Variants in SCHIP1 observed in about 807,000 individuals in gnomAD.
SCHIP1 encodes schwannomin interacting protein 1.
SCHIP1 carries 8 observed loss-of-function variants against 29.7 expected under a neutral mutation model. That is an observed-to-expected ratio of 0.27 (90% CI 0.16 to 0.49). The LOEUF is 0.49. SCHIP1 is among the 20% of genes least tolerant of loss of function. The pLI, the probability that SCHIP1 is intolerant of heterozygous loss-of-function variation, is 0.99. For synonymous variants in SCHIP1, 76 were observed against 94.9 expected (o/e 0.80, Z 1.16); for missense variants, 193 against 294.6 (o/e 0.66, Z 2.52).
the SCHIP1 span, among the ~76,000 whole-genome samples, chr3:159,515,385 C>CTGTA: frequency 6.6e-6 from 1 of 152,306 alleles, no homozygotes; most frequent in South Asian, 2.1e-4. Context: ...GAGTCATGTG[C>CTGTA]TGTATTTTTG....
the SCHIP1 span, among the ~76,000 whole-genome samples, chr3:159,556,961 G>A: frequency 6.5e-4 from 97 of 150,170 alleles, 1 homozygote; most frequent in South Asian, 8.0e-3. Flanking sequence ...AAAAAAAAAA[G>A]ATTTTTTTTT....
chr3:159,366,951 G>GA, the SCHIP1 span, among the ~76,000 whole-genome samples: 1 of 152,090 alleles, frequency 6.6e-6, no homozygotes, highest in Non-Finnish European at 1.5e-5. Context: ...CTGGAAACTA[G>GA]AAAAAATACA....
At chr3:159,862,351 G>A (rs996572411) in intron 1 of SCHIP1, among the ~76,000 whole-genome samples, 2 of 152,212 alleles carry the variant, frequency 1.3e-5, no homozygotes, top group African/African-American at 4.8e-5. Context: ...CTGCCTAACA[G>A]TATGGTAACC....
chr3:159,318,001 G>A, the SCHIP1 span, among the ~76,000 whole-genome samples: 253 of 152,260 alleles, frequency 1.7e-3, no homozygotes, highest in African/African-American at 5.7e-3. Flanking sequence ...TCTGCTGCTG[G>A]CAAATTGGGC....
chr3:159,326,334 T>C, the SCHIP1 span, among the ~76,000 whole-genome samples: 9 of 152,318 alleles, frequency 5.9e-5, 1 homozygote, highest in African/African-American at 2.2e-4. Flanking sequence ...ATTATTGTAC[T>C]ATTACCTTAT....
the SCHIP1 span, among the ~76,000 whole-genome samples, chr3:159,305,295 C>T: frequency 6.6e-6 from 1 of 152,210 alleles, no homozygotes; most frequent in Non-Finnish European, 1.5e-5. Flanking sequence ...GGGACTTCCC[C>T]AGTCTCCCAT....
At chr3:159,866,733 T>C (rs1714671370) in intron 2 of SCHIP1, among the ~76,000 whole-genome samples, 2 of 152,230 alleles carry the variant, frequency 1.3e-5, no homozygotes, top group Admixed American at 1.3e-4. Context: ...CATTCAATGT[T>C]TATTACAGTT....
chr3:159,747,678 T>A, the SCHIP1 span, among the ~76,000 whole-genome samples: 1 of 152,106 alleles, frequency 6.6e-6, no homozygotes, highest in African/African-American at 2.4e-5. Flanking sequence ...CTCATGGCCA[T>A]GAGAAGCATA....
chr3:159,329,377 G>A, the SCHIP1 span, among the ~76,000 whole-genome samples: 52 of 152,286 alleles, frequency 3.4e-4, no homozygotes, highest in African/African-American at 1.0e-3. Context: ...TGATGGAACC[G>A]GAGAAGATGA....
the SCHIP1 span, among the ~76,000 whole-genome samples, chr3:159,333,696 AG>A: frequency 6.6e-6 from 1 of 152,216 alleles, no homozygotes; most frequent in Non-Finnish European, 1.5e-5. Flanking sequence ...ATTTGCTTGA[AG>A]TTATCCTTTA....
At chr3:159,747,278 T>C in the SCHIP1 span, among the ~76,000 whole-genome samples, 2 of 152,130 alleles carry the variant, frequency 1.3e-5, no homozygotes, top group Non-Finnish European at 2.9e-5. Flanking sequence ...TCTAAACTCC[T>C]CTCCTTAACC....
the SCHIP1 span, among the ~76,000 whole-genome samples, chr3:159,285,991 T>C: frequency 6.6e-6 from 1 of 152,230 alleles, no homozygotes; most frequent in South Asian, 2.1e-4. Context: ...TTTTTTGACA[T>C]ATGCATTGTT....
chr3:159,589,100 T>G, the SCHIP1 span, among the ~76,000 whole-genome samples: 2 of 152,232 alleles, frequency 1.3e-5, no homozygotes, highest in Non-Finnish European at 1.5e-5. Context: ...CCCATGAGCA[T>G]GGAATGTTCT....
chr3:159,539,938 A>G, the SCHIP1 span, among the ~76,000 whole-genome samples: 28 of 152,242 alleles, frequency 1.8e-4, no homozygotes, highest in African/African-American at 6.5e-4. Flanking sequence ...TTTTAGAGAC[A>G]TGAGAATTTC....
At chr3:159,748,226 C>T in the SCHIP1 span, among the ~76,000 whole-genome samples, 1 of 152,124 alleles carries the variant, frequency 6.6e-6, no homozygotes, top group Non-Finnish European at 1.5e-5. Context: ...TTGTAAGTTC[C>T]ACCCCAATTT....
At chr3:159,506,837 G>T in the SCHIP1 span, among the ~76,000 whole-genome samples, 2 of 152,108 alleles carry the variant, frequency 1.3e-5, no homozygotes, top group Non-Finnish European at 2.9e-5. Flanking sequence ...CCTCTATTTT[G>T]GTACCAGTAC....
chr3:159,597,828 C>T, the SCHIP1 span, among the ~76,000 whole-genome samples: 2 of 152,050 alleles, frequency 1.3e-5, no homozygotes, highest in Admixed American at 1.3e-4. Flanking sequence ...TGTATTAGCT[C>T]GTTTTCACAC....
chr3:159,736,691 G>C, the SCHIP1 span, among the ~76,000 whole-genome samples: 5 of 151,548 alleles, frequency 3.3e-5, no homozygotes, highest in Non-Finnish European at 5.9e-5. Context: ...GGGCTGCACT[G>C]GGGACGTTCT....
the SCHIP1 span, among the ~76,000 whole-genome samples, chr3:159,336,055 A>T: frequency 7.6e-4 from 116 of 152,306 alleles, 1 homozygote; most frequent in East Asian, 0.02. Context: ...GTGAGAAGGT[A>T]TCTTATTGTG....
Sources: allele counts gnomAD v4.1 joint callset (sites outside exome capture counted in the v4.1 genomes callset), GRCh38; gene constraint gnomAD v4.1.1; transcripts MANE v1.5; gene names NCBI Gene and HGNC (gene_info 2026-07-23, HGNC 2026-07-21).